The following IL1RAPL1 variants were observed in gnomAD, a reference collection of about 807,000 sequenced individuals.
IL1RAPL1 encodes interleukin 1 receptor accessory protein like 1.
IL1RAPL1 carries 3 observed loss-of-function variants against 48.4 expected under a neutral mutation model. That is an observed-to-expected ratio of 0.06 (90% CI 0.03 to 0.16). The LOEUF (loss-of-function observed/expected upper bound fraction) is 0.16, where lower values mean the gene tolerates loss of function less well. Ranked by LOEUF, IL1RAPL1 falls within the 10% of genes least tolerant of loss-of-function variation. The pLI, the probability that IL1RAPL1 is intolerant of heterozygous loss-of-function variation, is 1.00. For synonymous variants in IL1RAPL1, 185 were observed against 187.7 expected (o/e 0.99, Z 0.12); for missense variants, 349 against 530.6 (o/e 0.66, Z 3.36).
At chrX:28,982,619 G>T (rs957162405) in intron 2 of IL1RAPL1, among the ~76,000 whole-genome samples, 1 of 111,340 alleles carries the variant, frequency 9.0e-6, no homozygotes, top group Non-Finnish European at 1.9e-5. Context: ...GAAAGCTTGA[G>T]ATATATTTCA....
intron 2 of IL1RAPL1, among the ~76,000 whole-genome samples, chrX:29,063,410 C>T (rs6628406): frequency 0.13 from 14,677 of 110,907 alleles, 945 homozygotes; most frequent in Non-Finnish European, 0.19. Flanking sequence ...ACTCTTCTCT[C>T]AACACTTCTG....
intron 2 of IL1RAPL1, among the ~76,000 whole-genome samples, chrX:29,202,978 C>G (rs574233500): frequency 1.8e-5 from 2 of 111,321 alleles, no homozygotes; most frequent in South Asian, 7.8e-4. Flanking sequence ...ACCTATATAA[C>G]AAACCTGCAC....
rs1927788984 is a variant in IL1RAPL1 at position 29,726,958 on chromosome X, G to A, written c.778+58454G>A. On this transcript the variant is annotated intron_variant, in intron 6 of 10. Transcript: ENST00000378993. ...ATTGCAATGAGTGCCTTTGACGTCTGTCAAAGGTGGTACAGTCAGTGACAA... is the reference window on the plus strand; with the variant it reads ...ATTGCAATGAGTGCCTTTGACGTCTATCAAAGGTGGTACAGTCAGTGACAA... 2.7e-5 allele frequency among the ~76,000 whole-genome samples: 3 copies of A among 112,279 alleles called. No individual in the cohort carries two copies. The Admixed American group carries it at 2.8e-4, about 11-fold the overall frequency.
At chrX:28,599,619 C>A (rs1474400065) in intron 1 of IL1RAPL1, among the ~76,000 whole-genome samples, 1 of 111,190 alleles carries the variant, frequency 9.0e-6, no homozygotes, top group Non-Finnish European at 1.9e-5. Flanking sequence ...TTTTAATGAA[C>A]TCCTTCATGT....
chrX:29,359,620 A>G (rs1268053957), intron 3 of IL1RAPL1, among the ~76,000 whole-genome samples: 2 of 111,822 alleles, frequency 1.8e-5, no homozygotes, highest in African/African-American at 6.5e-5. Flanking sequence ...GCTTACTCCA[A>G]TGATATATAG....
chrX:29,773,358 C>G (rs952471714), intron 6 of IL1RAPL1, among the ~76,000 whole-genome samples: 1 of 111,834 alleles, frequency 8.9e-6, no homozygotes, highest in Non-Finnish European at 1.9e-5. Context: ...GCTACTCTGC[C>G]TGTACCCACA....
At chrX:29,782,059 G>A (rs149079803) in intron 6 of IL1RAPL1, among the ~76,000 whole-genome samples, 3,196 of 109,860 alleles carry the variant, frequency 0.029, 114 homozygotes, top group African/African-American at 0.1. Flanking sequence ...TTTCAGTTTC[G>A]TTGTTGATCC....
intron 2 of IL1RAPL1, among the ~76,000 whole-genome samples, chrX:29,147,340 A>G (rs12844919): frequency 4.5e-5 from 5 of 112,170 alleles, no homozygotes; most frequent in Non-Finnish European, 9.4e-5. Flanking sequence ...TTTGCAGTTC[A>G]TGATTATTCT....
At chrX:28,691,334 A>G (rs1284881207) in intron 1 of IL1RAPL1, among the ~76,000 whole-genome samples, 2 of 111,960 alleles carry the variant, frequency 1.8e-5, no homozygotes, top group African/African-American at 6.5e-5. Flanking sequence ...CTATGTTAAC[A>G]TCATTTAGTA....
At chrX:29,264,672 A>G (rs12851747) in intron 2 of IL1RAPL1, among the ~76,000 whole-genome samples, 4 of 110,631 alleles carry the variant, frequency 3.6e-5, no homozygotes, top group African/African-American at 6.6e-5. Context: ...TAAGCAATGT[A>G]ACATTGACCT....
intron 2 of IL1RAPL1, among the ~76,000 whole-genome samples, chrX:29,020,964 G>A (rs1926351110): frequency 1.8e-5 from 2 of 110,738 alleles, no homozygotes; most frequent in Non-Finnish European, 3.8e-5. Flanking sequence ...GGTGGCTCAC[G>A]CCTGTAATCC....
chrX:28,759,047 G>A (rs959776219), intron 1 of IL1RAPL1, among the ~76,000 whole-genome samples: 1 of 111,597 alleles, frequency 9.0e-6, no homozygotes, highest in African/African-American at 3.3e-5. Context: ...GACCAGCCTG[G>A]CCAATATGGC....
At chrX:29,346,909 A>G (rs1433952569) in intron 3 of IL1RAPL1, among the ~76,000 whole-genome samples, 1 of 112,238 alleles carries the variant, frequency 8.9e-6, no homozygotes, top group Non-Finnish European at 1.9e-5. Flanking sequence ...TGAAACATAT[A>G]CGCTGAAAAA....
intron 6 of IL1RAPL1, among the ~76,000 whole-genome samples, chrX:29,828,390 T>C (rs1350560551): frequency 1.8e-5 from 2 of 111,786 alleles, no homozygotes; most frequent in Admixed American, 9.5e-5. Flanking sequence ...GGAAAACTCA[T>C]GGAGAAGCAG....
At chrX:28,659,810 TA>T (rs767885323) in intron 1 of IL1RAPL1, among the ~76,000 whole-genome samples, 14,621 of 99,005 alleles carry the variant, frequency 0.15, 847 homozygotes, top group African/African-American at 0.21. Flanking sequence ...GGTTTCTTGG[TA>T]AAAAAAAAAA....
intron 2 of IL1RAPL1, among the ~76,000 whole-genome samples, chrX:28,905,473 A>G (rs765545439): frequency 8.9e-6 from 1 of 111,909 alleles, no homozygotes; most frequent in Admixed American, 9.5e-5. Context: ...GTGTAAATAT[A>G]TAGAGAAGAA....
chrX:29,929,117 A>C (rs775752339), intron 8 of IL1RAPL1, among the ~76,000 whole-genome samples: 1 of 112,175 alleles, frequency 8.9e-6, no homozygotes, highest in Non-Finnish European at 1.9e-5. Flanking sequence ...AATAGAATTT[A>C]TTTTTAATTC....
chrX:28,926,694 A>G (rs1010958384), intron 2 of IL1RAPL1, among the ~76,000 whole-genome samples: 10 of 111,785 alleles, frequency 8.9e-5, no homozygotes, highest in African/African-American at 3.3e-4. Flanking sequence ...CTCTCCAAGC[A>G]CCAAACATCC....
chrX:29,111,081 G>C (rs1928555606), intron 2 of IL1RAPL1, among the ~76,000 whole-genome samples: 1 of 110,906 alleles, frequency 9.0e-6, no homozygotes, highest in Non-Finnish European at 1.9e-5. Context: ...ATATATAAAA[G>C]AATATATATG....
Sources: allele counts gnomAD v4.1 joint callset (sites outside exome capture counted in the v4.1 genomes callset), GRCh38; gene constraint gnomAD v4.1.1; transcripts MANE v1.5; gene names NCBI Gene and HGNC (gene_info 2026-07-23, HGNC 2026-07-21).